Variants in ZFAT observed in about 807,000 individuals in gnomAD.
ZFAT encodes the protein zinc finger and AT-hook domain containing.
ZFAT carries 64 observed loss-of-function variants against 117.7 expected under a neutral mutation model. That is an observed-to-expected ratio of 0.54 (90% CI 0.44 to 0.67). The LOEUF is 0.67. ZFAT is among the 30% of genes least tolerant of loss of function. The probability of loss-of-function intolerance (pLI) is 0.00; values close to 1 mark genes in which losing one functional copy is unlikely to be tolerated. For missense variants in ZFAT, 1,433 were observed against 1,584.5 expected, an observed-to-expected ratio of 0.90 and a Z score of 1.62; for synonymous variants, 679 against 615.0, an observed-to-expected ratio of 1.10 and a Z score of -1.54.
chr8:134,815,368 A>T, the ZFAT span, among the ~76,000 whole-genome samples: 2 of 152,224 alleles, frequency 1.3e-5, no homozygotes, highest in Admixed American at 1.3e-4. Context: ...GATTTTTTTT[A>T]ATCAGGGAAA....
chr8:134,718,482 T>G, the ZFAT span, among the ~76,000 whole-genome samples: 1 of 152,058 alleles, frequency 6.6e-6, no homozygotes, highest in Non-Finnish European at 1.5e-5. Context: ...GGGCGACAGA[T>G]TAAGACCTGT....
intron 1 of ZFAT, among the ~76,000 whole-genome samples, chr8:134,695,683 C>A (rs932339927): frequency 6.6e-6 from 1 of 150,944 alleles, no homozygotes; most frequent in African/African-American, 2.4e-5. Flanking sequence ...TGGCACCGCC[C>A]CCCCAGGCCC....
At chr8:134,489,582 C>T (rs981984341) in intron 15 of ZFAT, among the ~76,000 whole-genome samples, 7 of 152,120 alleles carry the variant, frequency 4.6e-5, no homozygotes, top group African/African-American at 1.7e-4. Context: ...CCATCTCTGC[C>T]GCATCTGTCT....
chr8:134,650,003 G>A (rs1831139859), intron 2 of ZFAT, among the ~76,000 whole-genome samples: 2 of 152,122 alleles, frequency 1.3e-5, no homozygotes, highest in Admixed American at 6.5e-5. Context: ...ACTCTGTCCT[G>A]CTGCCCTGTG....
intron 1 of ZFAT, among the ~76,000 whole-genome samples, chr8:134,672,133 T>C (rs1002571431): frequency 6.6e-6 from 1 of 152,284 alleles, no homozygotes; most frequent in Non-Finnish European, 1.5e-5. Context: ...GAACATTCCA[T>C]GTTCATGGAT....
At chr8:134,661,878 G>T (rs1470801207) in intron 1 of ZFAT, among the ~76,000 whole-genome samples, 1 of 152,202 alleles carries the variant, frequency 6.6e-6, no homozygotes, top group African/African-American at 2.4e-5. Flanking sequence ...AAGACGGGGT[G>T]GGGTTCAGCT....
At chr8:134,646,655 T>C (rs1385158767) in intron 2 of ZFAT, among the ~76,000 whole-genome samples, 1 of 151,824 alleles carries the variant, frequency 6.6e-6, no homozygotes, top group Non-Finnish European at 1.5e-5. Flanking sequence ...AACCCTTAGC[T>C]AGACTAACCG....
At chr8:134,488,019 C>T (rs190593281) in intron 15 of ZFAT, among the ~76,000 whole-genome samples, 2 of 152,350 alleles carry the variant, frequency 1.3e-5, no homozygotes, top group East Asian at 1.9e-4. Flanking sequence ...ACTTGACCTC[C>T]GTACTGAGCA....
chr8:134,663,031 A>G (rs1832011164), intron 1 of ZFAT, among the ~76,000 whole-genome samples: 1 of 152,260 alleles, frequency 6.6e-6, no homozygotes, highest in Non-Finnish European at 1.5e-5. Flanking sequence ...TGCTGCTCTC[A>G]TGAACGAATA....
At position 134,553,641 on chromosome 8, in the gene ZFAT, T is replaced by C. The variant is rs566924544; in HGVS notation, c.2976+11692A>G. ...AACAAAGTCATGAAAGAAAGGAAGA[T>C]TGTAGAGTCAGGACAGTCCTGTGAT... On this transcript the variant is annotated intron_variant, in intron 11 of 15. Transcript: ENST00000377838. Among the ~76,000 whole-genome samples the C allele has an allele frequency of 1.2e-4, 19 of 152,100 alleles. No homozygotes were observed. In the East Asian group the frequency reaches 2.5e-3, roughly 20 times the overall value.
At chr8:134,712,719 G>A in intron 1 of ZFAT, 126 bp downstream of exon 1, 2 of 636,190 alleles carry the variant, frequency 3.1e-6, no homozygotes, top group African/African-American at 2.5e-5. Flanking sequence ...GGATCCCTCC[G>A]CGGCCGGCGG....
intron 2 of ZFAT, among the ~76,000 whole-genome samples, chr8:134,647,628 A>G (rs1830978056): frequency 6.6e-6 from 1 of 152,220 alleles, no homozygotes; most frequent in African/African-American, 2.4e-5. Flanking sequence ...AGAAAGCCCT[A>G]AAGATTATAC....
chr8:134,698,900 G>A (rs573531902), intron 1 of ZFAT, among the ~76,000 whole-genome samples: 12 of 152,310 alleles, frequency 7.9e-5, no homozygotes, highest in African/African-American at 2.9e-4. Context: ...CTTCCCATTA[G>A]AGAGCAAAGA....
chr8:134,513,592 G>A (rs1196125303), intron 13 of ZFAT, among the ~76,000 whole-genome samples: 3 of 152,194 alleles, frequency 2.0e-5, no homozygotes, highest in African/African-American at 4.8e-5. Flanking sequence ...CAGGTACCTC[G>A]TGCCTCAAAG....
chr8:134,588,123 G>A, intron 9 of ZFAT, 123 bp downstream of exon 9: 2 of 1,173,736 alleles, frequency 1.7e-6, no homozygotes, highest in Non-Finnish European at 2.3e-6. Context: ...ACATCTCTCA[G>A]TGTGCTAAGG....
intron 1 of ZFAT, among the ~76,000 whole-genome samples, chr8:134,683,172 G>A (rs1300309253): frequency 1.3e-5 from 2 of 152,192 alleles, no homozygotes; most frequent in Non-Finnish European, 2.9e-5. Context: ...TTGGGGGCAT[G>A]GAGGATACAA....
At chr8:134,533,022 C>T (rs1407647967) in intron 11 of ZFAT, 50 bp from the exon 12 acceptor site, 12 of 1,559,662 alleles carry the variant, frequency 7.7e-6, no homozygotes, top group Non-Finnish European at 9.5e-6. Flanking sequence ...CAGATGTCTG[C>T]CTTCGCTGCT....
intron 1 of ZFAT, among the ~76,000 whole-genome samples, chr8:134,658,063 C>T (rs762054968): frequency 4.6e-5 from 7 of 152,186 alleles, no homozygotes; most frequent in South Asian, 2.1e-4. Context: ...TGCGGCCGGG[C>T]GCGGTGGCGC....
At chr8:134,550,770 T>C (rs542666356) in intron 11 of ZFAT, among the ~76,000 whole-genome samples, 17 of 152,284 alleles carry the variant, frequency 1.1e-4, no homozygotes, top group Admixed American at 6.5e-4. Context: ...AGCAGAGACT[T>C]TGCATTTCAA....
Sources: gnomAD v4.1 joint callset for allele counts (sites outside exome capture counted in the v4.1 genomes callset) on GRCh38, gnomAD v4.1.1 for gene constraint, MANE v1.5 for transcripts, NCBI Gene and HGNC (gene_info 2026-07-23, HGNC 2026-07-21) for gene names.